Variants in PARP15 observed in about 807,000 individuals in gnomAD.
PARP15 encodes the protein protein mono-ADP-ribosyltransferase PARP15.
PARP15 carries 50 observed loss-of-function variants against 62.1 expected under a neutral mutation model. The observed-to-expected ratio is 0.81, with a 90% CI of 0.64 to 1.02. The LOEUF (loss-of-function observed/expected upper bound fraction) is 1.02, where lower values mean the gene tolerates loss of function less well. Ranked by LOEUF, PARP15 falls within the 50% of genes least tolerant of loss-of-function variation. PARP15 has a pLI of 0.00. For synonymous variants in PARP15, 309 were observed against 293.1 expected (o/e 1.05, Z -0.55); for missense variants, 820 against 826.5 (o/e 0.99, Z 0.10).
At chr3:122,610,816 C>A in intron 3 of PARP15, 86 bp downstream of exon 3, 2 of 1,204,462 alleles carry the variant, frequency 1.7e-6, no homozygotes, top group Non-Finnish European at 2.2e-6. Context: ...TCAAGGGAAG[C>A]AATTTTGCCC....
intron 9 of PARP15, 105 bp downstream of exon 9, chr3:122,627,138 G>C (rs535647202): frequency 7.1e-6 from 7 of 984,560 alleles, no homozygotes; most frequent in Non-Finnish European, 1.0e-5. Flanking sequence ...ATTCGTTTTA[G>C]GACTTTTCAG....
intron 1 of PARP15, among the ~76,000 whole-genome samples, chr3:122,605,156 G>T (rs1935073894): frequency 6.6e-6 from 1 of 152,310 alleles, no homozygotes; most frequent in South Asian, 2.1e-4. Flanking sequence ...AGGCAAGGTT[G>T]CTGCTGTATT....
intron 8 of PARP15, among the ~76,000 whole-genome samples, chr3:122,625,628 T>G (rs1936672691): frequency 6.6e-6 from 1 of 152,212 alleles, no homozygotes; most frequent in South Asian, 2.1e-4. Context: ...ACTAATGTCC[T>G]TATAAGAAGA....
intron 6 of PARP15, among the ~76,000 whole-genome samples, chr3:122,617,992 T>TA (rs1936099940): frequency 6.6e-6 from 1 of 152,104 alleles, no homozygotes; most frequent in African/African-American, 2.4e-5. Context: ...TTGGCCTCCC[T>TA]AAGTGCTGGG....
intron 6 of PARP15, 28 bp from the exon 7 acceptor site, chr3:122,619,753 C>A (rs372596557): frequency 2.6e-6 from 4 of 1,555,112 alleles, no homozygotes; most frequent in Admixed American, 3.3e-5. Flanking sequence ...CTAACTGATG[C>A]CTTTTACCAT....
At chr3:122,609,472 C>T (rs939226342) in intron 2 of PARP15, among the ~76,000 whole-genome samples, 2 of 152,012 alleles carry the variant, frequency 1.3e-5, no homozygotes, top group African/African-American at 4.8e-5. Context: ...CCAAGGTGGG[C>T]AGGTCACTTG....
At chr3:122,608,213 C>CTTTTTTTTTTTTTTTTTTTTTTT (rs71136576) in intron 2 of PARP15, among the ~76,000 whole-genome samples, 4 of 113,908 alleles carry the variant, frequency 3.5e-5, no homozygotes, top group African/African-American at 6.8e-5. Flanking sequence ...TTTCTCTTTT[C>CTTTTTTTTTTTTTTTTTTTTTTT]TTTTTTTTTT....
chr3:122,585,658 C>A (rs1933365939), intron 1 of PARP15, among the ~76,000 whole-genome samples: 1 of 152,232 alleles, frequency 6.6e-6, no homozygotes. Context: ...AACTTTGTTA[C>A]ATAAAAGCTG....
chr3:122,618,590 C>A (rs1043583636), intron 6 of PARP15, among the ~76,000 whole-genome samples: 7 of 152,184 alleles, frequency 4.6e-5, no homozygotes, highest in Non-Finnish European at 7.3e-5. Flanking sequence ...AGCAGTTAGA[C>A]TACTTGATTG....
chr3:122,612,985 T>C lies in PARP15; in HGVS notation c.544-56T>C, dbSNP rs1441705377. ...CAGAGTTGCTGGGACCACAACTCTT[T>C]CTGTTTTCCGCTAGCTTAAGCCCTA... On this transcript the variant is annotated intron_variant, in intron 3 of 11. Transcript: ENST00000464300. 2.1e-6 allele frequency: 3 copies of C among 1,442,328 alleles called. No homozygotes were observed. The African/African-American group carries it at 4.3e-5, about 20-fold the overall frequency. The allele number at this position is 1,442,328 out of a possible 1,614,324, so 89.3% of individuals were successfully genotyped here.
chr3:122,619,931 G>C, intron 7 of PARP15, 88 bp downstream of exon 7: 2 of 1,274,182 alleles, frequency 1.6e-6, no homozygotes, highest in Non-Finnish European at 2.3e-6. Context: ...ACTGGAGGTG[G>C]AGTAAGTAGC....
intron 7 of PARP15, among the ~76,000 whole-genome samples, chr3:122,620,665 AG>A (rs1414157087): frequency 1.5e-5 from 2 of 136,862 alleles, no homozygotes. Context: ...TGTGCCTGGG[AG>A]GCAGGAGCAG....
chr3:122,606,204 G>GTATATATCTGCATAAAC, intron 2 of PARP15, 149 bp downstream of exon 2: 1 of 1,003,270 alleles, frequency 1.0e-6, no homozygotes, highest in Non-Finnish European at 1.4e-6. Context: ...CCCACTTAAA[G>GTATATATCTGCATAAAC]TTTATGCAGA....
chr3:122,599,994 T>C (rs1259450395), intron 1 of PARP15, among the ~76,000 whole-genome samples: 3 of 152,178 alleles, frequency 2.0e-5, no homozygotes, highest in Non-Finnish European at 4.4e-5. Context: ...GCTATTATAA[T>C]TATCAAATTA....
At chr3:122,590,245 C>T (rs1576480842) in intron 1 of PARP15, among the ~76,000 whole-genome samples, 1 of 151,692 alleles carries the variant, frequency 6.6e-6, no homozygotes, top group African/African-American at 2.4e-5. Flanking sequence ...CTTTTCCTCA[C>T]CTTATTTGGA....
Position 122,577,870 on chromosome 3 carries a change from A to ACGGGTG in PARP15, c.186+22_186+27dup. 1 of 1,531,920 alleles carries ACGGGTG rather than the reference A, an allele frequency of 6.5e-7. No individual in the cohort carries two copies. Among genetic ancestry groups the ACGGGTG allele is most frequent in the Non-Finnish European group, 8.8e-7 (1 of 1,136,134 alleles). The allele number at this position is 1,531,920 out of a possible 1,614,324, so 94.9% of individuals were successfully genotyped here. On this transcript the variant is annotated intron_variant, in intron 1 of 11. Transcript: ENST00000464300. Reference sequence around the variant, plus strand: ...CGGAGTATGGTGAGGAGCGCGGGGGACGGGTGCGGGAAGGGGACAGCAGGG... The same window carrying ACGGGTG: ...CGGAGTATGGTGAGGAGCGCGGGGGACGGGTGCGGGTGCGGGAAGGGGACAGCAGGG...
At position 122,626,990 on chromosome 3, in the gene PARP15, C is replaced by T; in HGVS notation, c.1395C>T (p.Leu465=). 2 of 1,613,836 alleles carry T rather than the reference C, an allele frequency of 1.2e-6. No homozygotes were observed. The highest frequency in any genetic ancestry group is 2.2e-5 in the South Asian group (2 of 90,976). ...IFYDSMKKRD[L]SASLNFQSTF... ...ACGACAGCATGAAAAAAAGAGACCT[C>T]TCTGCATCACTGAACTTTCAGTCCA... Residue 465 remains leucine, a synonymous_variant, in exon 9 of 12, where the codon CTC becomes CTT. Coordinates refer to ENST00000464300, the MANE Select transcript of PARP15 (RefSeq NM_001113523.3).
chr3:122,595,824 C>T (rs71329285), intron 1 of PARP15, among the ~76,000 whole-genome samples: 12,842 of 152,200 alleles, frequency 0.084, 551 homozygotes, highest in Non-Finnish European at 0.1. Context: ...TGAGCCACCA[C>T]GCTGGCTTGG....
At chr3:122,592,335 A>C (rs1933990952) in intron 1 of PARP15, among the ~76,000 whole-genome samples, 1 of 152,234 alleles carries the variant, frequency 6.6e-6, no homozygotes, top group South Asian at 2.1e-4. Context: ...AAACTAACAC[A>C]GGAACAGAAA....
Sources: allele counts gnomAD v4.1 joint callset (sites outside exome capture counted in the v4.1 genomes callset), GRCh38; gene constraint gnomAD v4.1.1; transcripts MANE v1.5; gene names NCBI Gene and HGNC (gene_info 2026-07-23, HGNC 2026-07-21).